The following GRIN2A variants were observed in gnomAD, a reference collection of about 807,000 sequenced individuals.
GRIN2A encodes the protein glutamate ionotropic receptor NMDA type subunit 2A, also known as glutamate receptor ionotropic, NMDA 2A.
A neutral mutation model predicts 113.4 loss-of-function variants in GRIN2A; 22 were observed. The observed-to-expected ratio is 0.19, with a 90% CI of 0.14 to 0.28. The LOEUF is 0.28. GRIN2A is among the 10% of genes least tolerant of loss of function. GRIN2A has a pLI of 1.00. For missense variants in GRIN2A, 1,502 were observed against 1,887.0 expected (o/e 0.80, Z 3.78); for synonymous variants, 827 against 738.4 (o/e 1.12, Z -1.94).
At chr16:9,899,615 TA>T (rs751866181) in intron 3 of GRIN2A, among the ~76,000 whole-genome samples, 3 of 151,930 alleles carry the variant, frequency 2.0e-5, no homozygotes, top group Admixed American at 6.6e-5. Context: ...TGTGGTCAAT[TA>T]AAAAAATAAT....
intron 4 of GRIN2A, among the ~76,000 whole-genome samples, chr16:9,866,121 C>A (rs1459462507): frequency 6.6e-6 from 1 of 152,164 alleles, no homozygotes; most frequent in South Asian, 2.1e-4. Flanking sequence ...GTAAAGGATC[C>A]ACTCACCAGT....
intron 4 of GRIN2A, among the ~76,000 whole-genome samples, chr16:9,887,760 A>AC (rs922233772): frequency 3.9e-5 from 6 of 152,296 alleles, no homozygotes; most frequent in Admixed American, 6.5e-5. Context: ...AAACAAAAAA[A>AC]ACACACACAC....
At chr16:10,039,853 G>A (rs2047118493) in intron 2 of GRIN2A, among the ~76,000 whole-genome samples, 1 of 145,074 alleles carries the variant, frequency 6.9e-6, no homozygotes, top group Non-Finnish European at 1.5e-5. Flanking sequence ...GGTCCACACC[G>A]CTCAGAGGAG....
intron 3 of GRIN2A, among the ~76,000 whole-genome samples, chr16:9,913,762 C>CT (rs1044931184): frequency 4.6e-5 from 7 of 151,292 alleles, no homozygotes; most frequent in African/African-American, 1.7e-4. Context: ...CTAGGTCCAA[C>CT]TTTTTTTTTA....
intron 2 of GRIN2A, among the ~76,000 whole-genome samples, chr16:10,125,769 T>C (rs536806721): frequency 1.5e-4 from 23 of 152,066 alleles, no homozygotes; most frequent in Admixed American, 3.3e-4. Context: ...GGGTAGCTTC[T>C]TCCTCTGCCA....
At chr16:9,884,617 TC>T (rs2043552587) in intron 4 of GRIN2A, among the ~76,000 whole-genome samples, 1 of 151,978 alleles carries the variant, frequency 6.6e-6, no homozygotes, top group East Asian at 1.9e-4. Context: ...AGAATTATTC[TC>T]AAAGCATTTT....
intron 11 of GRIN2A, chr16:9,794,812 C>T (rs1902866122): frequency 1.3e-5 from 2 of 152,148 alleles, no homozygotes; most frequent in Non-Finnish European, 2.9e-5. Context: ...TGTTTAGCAC[C>T]ACAAAAGTTG....
intron 2 of GRIN2A, among the ~76,000 whole-genome samples, chr16:10,079,886 ATG>A (rs1413187281): frequency 6.6e-6 from 1 of 152,218 alleles, no homozygotes; most frequent in African/African-American, 2.4e-5. Context: ...TGTGATTTTT[ATG>A]TGTTTGTATC....
chr16:10,144,252 T>C (rs931993633), intron 2 of GRIN2A, among the ~76,000 whole-genome samples: 1 of 152,182 alleles, frequency 6.6e-6, no homozygotes, highest in African/African-American at 2.4e-5. Flanking sequence ...TCAGCTGCAT[T>C]ATTTTACATT....
intron 2 of GRIN2A, among the ~76,000 whole-genome samples, chr16:10,063,761 A>G (rs1036344037): frequency 6.6e-6 from 1 of 152,202 alleles, no homozygotes; most frequent in African/African-American, 2.4e-5. Context: ...AACAGTGTCC[A>G]TAGGAGTCAA....
At chr16:9,836,026 A>G (rs992835986) in intron 7 of GRIN2A, among the ~76,000 whole-genome samples, 4 of 152,236 alleles carry the variant, frequency 2.6e-5, no homozygotes, top group African/African-American at 9.6e-5. Flanking sequence ...AATAAACAAT[A>G]TTATGTCCCT....
chr16:9,765,569 A>T (rs1460718697), intron 12 of GRIN2A, among the ~76,000 whole-genome samples: 2 of 152,154 alleles, frequency 1.3e-5, no homozygotes, highest in African/African-American at 2.4e-5. Context: ...GGGGGGATAG[A>T]TGTGGATGCT....
At chr16:9,970,379 G>C (rs1425830134) in intron 2 of GRIN2A, among the ~76,000 whole-genome samples, 5 of 152,184 alleles carry the variant, frequency 3.3e-5, no homozygotes, top group Admixed American at 1.3e-4. Flanking sequence ...TTGCCCACTA[G>C]AGAGACTGGA....
intron 2 of GRIN2A, among the ~76,000 whole-genome samples, chr16:10,151,287 C>T (rs762311507): frequency 2.8e-4 from 42 of 152,282 alleles, no homozygotes; most frequent in Non-Finnish European, 1.9e-4. Context: ...GTGAGTTCCC[C>T]CTCTTTTCCT....
intron 2 of GRIN2A, among the ~76,000 whole-genome samples, chr16:9,954,393 C>T (rs939583395): frequency 6.6e-6 from 1 of 152,138 alleles, no homozygotes; most frequent in African/African-American, 2.4e-5. Context: ...GGAGTTAAGA[C>T]GGCTGCTCTT....
At chr16:10,064,924 C>G (rs895707925) in intron 2 of GRIN2A, among the ~76,000 whole-genome samples, 1 of 152,140 alleles carries the variant, frequency 6.6e-6, no homozygotes, top group Admixed American at 6.5e-5. Flanking sequence ...AATCCCCATG[C>G]CTCATCAATT....
At chr16:10,044,663 C>A (rs988344674) in intron 2 of GRIN2A, among the ~76,000 whole-genome samples, 7 of 149,822 alleles carry the variant, frequency 4.7e-5, no homozygotes, top group Non-Finnish European at 8.9e-5. Flanking sequence ...ACTAGATGCT[C>A]AATAAATGTT....
At chr16:9,866,372 G>A (rs1419920208) in intron 4 of GRIN2A, among the ~76,000 whole-genome samples, 1 of 152,094 alleles carries the variant, frequency 6.6e-6, no homozygotes, top group Non-Finnish European at 1.5e-5. Context: ...ATGCACAAAA[G>A]CTTAGAAGCT....
chr16:10,028,471 T>C (rs912690228), intron 2 of GRIN2A, among the ~76,000 whole-genome samples: 1 of 152,184 alleles, frequency 6.6e-6, no homozygotes, highest in Non-Finnish European at 1.5e-5. Flanking sequence ...TCCAACAGGA[T>C]GTGGGCCAGA....
Sources: gnomAD v4.1 joint callset for allele counts (sites outside exome capture counted in the v4.1 genomes callset) on GRCh38, gnomAD v4.1.1 for gene constraint, MANE v1.5 for transcripts, NCBI Gene and HGNC (gene_info 2026-07-23, HGNC 2026-07-21) for gene names.